Variants in RNGTT observed in about 807,000 individuals in gnomAD.
The protein encoded by RNGTT is mRNA-capping enzyme.
Under a neutral mutation model 79.3 loss-of-function variants are expected in RNGTT, and 33 were observed. The ratio of observed to expected loss-of-function variants is 0.42; its 90% CI spans 0.32 to 0.56. The LOEUF is 0.56. Among genes scored for constraint, RNGTT ranks in the 20% least tolerant of loss-of-function variants. RNGTT has a pLI of 0.17. For synonymous variants in RNGTT, 222 were observed against 235.9 expected, an observed-to-expected ratio of 0.94 and a Z score of 0.54; for missense variants, 497 against 739.1, an observed-to-expected ratio of 0.67 and a Z score of 3.80.
chr6:88,943,436 C>T (rs1784912111), intron 1 of RNGTT, among the ~76,000 whole-genome samples: 1 of 152,098 alleles, frequency 6.6e-6, no homozygotes, highest in Non-Finnish European at 1.5e-5. Context: ...AGAATCTGAC[C>T]ACTTCTCACC....
intron 8 of RNGTT, among the ~76,000 whole-genome samples, chr6:88,873,755 C>G (rs192493465): frequency 1.3e-5 from 2 of 152,174 alleles, no homozygotes; most frequent in Admixed American, 1.3e-4. Context: ...AAGACATTAT[C>G]ATTTTTTCAT....
chr6:88,890,060 A>G (rs544383199), intron 8 of RNGTT, among the ~76,000 whole-genome samples: 1 of 152,352 alleles, frequency 6.6e-6, no homozygotes, highest in East Asian at 1.9e-4. Context: ...TTGCGAGTAT[A>G]TAAAGAGAAT....
chr6:88,835,930 T>C (rs1378961176), intron 11 of RNGTT, among the ~76,000 whole-genome samples: 3 of 142,738 alleles, frequency 2.1e-5, no homozygotes, highest in Non-Finnish European at 4.5e-5. Flanking sequence ...GCCCATGAGT[T>C]TGAGACCAGC....
chr6:88,657,453 G>A (rs1441200452), intron 14 of RNGTT, among the ~76,000 whole-genome samples: 1 of 152,170 alleles, frequency 6.6e-6, no homozygotes, highest in African/African-American at 2.4e-5. Flanking sequence ...AGCAGAATTG[G>A]GAAGGAGCCA....
At chr6:88,682,941 T>C (rs1006468306) in intron 13 of RNGTT, among the ~76,000 whole-genome samples, 3 of 152,176 alleles carry the variant, frequency 2.0e-5, no homozygotes, top group Middle Eastern at 3.4e-3. Context: ...TTCAACCAAA[T>C]AGCAAAATAA....
intron 13 of RNGTT, among the ~76,000 whole-genome samples, chr6:88,755,285 G>C (rs1424908793): frequency 6.6e-6 from 1 of 151,748 alleles, no homozygotes; most frequent in Non-Finnish European, 1.5e-5. Context: ...ATGAAGAAAA[G>C]GAAAAAGTGG....
intron 4 of RNGTT, among the ~76,000 whole-genome samples, chr6:88,912,633 G>A (rs1461644288): frequency 6.6e-6 from 1 of 151,920 alleles, no homozygotes; most frequent in Non-Finnish European, 1.5e-5. Context: ...AGATTGACAG[G>A]CCATTGGCTG....
chr6:88,925,740 A>C (rs949172256), intron 4 of RNGTT, among the ~76,000 whole-genome samples: 1 of 152,196 alleles, frequency 6.6e-6, no homozygotes, highest in East Asian at 1.9e-4. Context: ...GCAAAAGTGC[A>C]GTGGTGCACG....
chr6:88,914,075 C>T (rs930387576), intron 4 of RNGTT, among the ~76,000 whole-genome samples: 2 of 152,066 alleles, frequency 1.3e-5, no homozygotes, highest in African/African-American at 4.8e-5. Context: ...ATACACCCAA[C>T]CAAGGAGGTG....
chr6:88,781,416 C>G (rs1779059827), intron 12 of RNGTT, among the ~76,000 whole-genome samples: 1 of 152,146 alleles, frequency 6.6e-6, no homozygotes, highest in South Asian at 2.1e-4. Context: ...TAAGAAAGAT[C>G]CCTGTCCTTA....
chr6:88,858,753 A>T (rs1781916445), intron 8 of RNGTT, among the ~76,000 whole-genome samples: 1 of 152,122 alleles, frequency 6.6e-6, no homozygotes, highest in African/African-American at 2.4e-5. Flanking sequence ...CAGTATACTA[A>T]CCCTCACATT....
intron 13 of RNGTT, among the ~76,000 whole-genome samples, chr6:88,735,289 T>C (rs1777246893): frequency 1.3e-5 from 2 of 152,108 alleles, no homozygotes; most frequent in African/African-American, 4.8e-5. Context: ...AGGAAAGCAG[T>C]AAAAATGTTG....
intron 11 of RNGTT, among the ~76,000 whole-genome samples, chr6:88,840,204 A>G (rs1366854072): frequency 6.6e-6 from 1 of 152,138 alleles, no homozygotes; most frequent in African/African-American, 2.4e-5. Flanking sequence ...TAACCTGTCA[A>G]TTGTAGTTAT....
chr6:88,946,726 T>G (rs1785026712), intron 1 of RNGTT, among the ~76,000 whole-genome samples: 1 of 151,000 alleles, frequency 6.6e-6, no homozygotes, highest in African/African-American at 2.4e-5. Context: ...ACTGTACTGC[T>G]GCCATCTCGG....
chr6:88,808,560 C>G (rs1176868862), intron 11 of RNGTT, among the ~76,000 whole-genome samples: 1 of 152,044 alleles, frequency 6.6e-6, no homozygotes, highest in East Asian at 1.9e-4. Context: ...GATATTTCTT[C>G]TAAAAACCAC....
chr6:88,690,525 A>G (rs964515467), intron 13 of RNGTT, among the ~76,000 whole-genome samples: 3 of 152,064 alleles, frequency 2.0e-5, no homozygotes, highest in African/African-American at 7.2e-5. Flanking sequence ...TGGGCAATGT[A>G]GCAAGACCTT....
chr6:88,889,223 C>A (rs1048989202), intron 8 of RNGTT, among the ~76,000 whole-genome samples: 5 of 151,928 alleles, frequency 3.3e-5, no homozygotes, highest in African/African-American at 9.7e-5. Context: ...CTAAAAAATG[C>A]TAAACTGAGG....
chr6:88,704,991 C>T (rs1162164986), intron 13 of RNGTT, among the ~76,000 whole-genome samples: 1 of 151,718 alleles, frequency 6.6e-6, no homozygotes, highest in Non-Finnish European at 1.5e-5. Context: ...AAAAAAAAAA[C>T]TGGTAAATTT....
intron 2 of RNGTT, among the ~76,000 whole-genome samples, chr6:88,939,566 A>G (rs1784779790): frequency 6.6e-6 from 1 of 151,980 alleles, no homozygotes. Context: ...TCTTTCTTAC[A>G]CAGAGCTTCC....
Sources: gnomAD v4.1 joint callset for allele counts (sites outside exome capture counted in the v4.1 genomes callset) on GRCh38, gnomAD v4.1.1 for gene constraint, MANE v1.5 for transcripts, NCBI Gene and HGNC (gene_info 2026-07-23, HGNC 2026-07-21) for gene names.